The following FARS2 variants were observed in gnomAD, a reference collection of about 807,000 sequenced individuals.
FARS2 encodes the protein phenylalanyl-tRNA synthetase 2, mitochondrial.
FARS2 carries 40 observed loss-of-function variants against 46.4 expected under a neutral mutation model. The observed-to-expected ratio is 0.86, with a 90% CI of 0.67 to 1.12. The LOEUF (loss-of-function observed/expected upper bound fraction) is 1.12, where lower values mean the gene tolerates loss of function less well. Ranked by LOEUF, FARS2 falls within the 50% of genes most tolerant of loss-of-function variation. The pLI, the probability that FARS2 is intolerant of heterozygous loss-of-function variation, is 0.00. For missense variants in FARS2, 513 were observed against 567.9 expected, an observed-to-expected ratio of 0.90 and a Z score of 0.98; for synonymous variants, 234 against 214.9, an observed-to-expected ratio of 1.09 and a Z score of -0.78.
chr6:5,762,334 G>C (rs184108598), intron 6 of FARS2, among the ~76,000 whole-genome samples: 1 of 152,296 alleles, frequency 6.6e-6, no homozygotes, highest in African/African-American at 2.4e-5. Flanking sequence ...TTAAGAACTA[G>C]CCCAAGACTC....
chr6:5,738,483 A>G (rs1761093680), intron 6 of FARS2, among the ~76,000 whole-genome samples: 2 of 151,964 alleles, frequency 1.3e-5, no homozygotes, highest in South Asian at 4.1e-4. Context: ...TCCAAAGATG[A>G]ATGACAGAGA....
chr6:5,712,148 A>G (rs756447141), intron 6 of FARS2, among the ~76,000 whole-genome samples: 1 of 152,220 alleles, frequency 6.6e-6, no homozygotes, highest in African/African-American at 2.4e-5. Context: ...AACAAAATAC[A>G]CAGCACAGCT....
chr6:5,575,962 G>A (rs1041612361), intron 5 of FARS2, among the ~76,000 whole-genome samples: 3 of 152,096 alleles, frequency 2.0e-5, no homozygotes, highest in Non-Finnish European at 4.4e-5. Context: ...CCCCATATTG[G>A]TGGTGAGAGC....
chr6:5,500,376 A>G (rs1472312367), intron 4 of FARS2, among the ~76,000 whole-genome samples: 8 of 152,222 alleles, frequency 5.3e-5, no homozygotes, highest in Admixed American at 3.3e-4. Flanking sequence ...AGCTGCCCAT[A>G]TGGTTCTGTC....
chr6:5,364,141 G>A (rs1235578233), intron 1 of FARS2, among the ~76,000 whole-genome samples: 1 of 151,974 alleles, frequency 6.6e-6, no homozygotes, highest in Non-Finnish European at 1.5e-5. Flanking sequence ...AGAAATCTCT[G>A]GGTCACTTTT....
intron 4 of FARS2, among the ~76,000 whole-genome samples, chr6:5,444,574 T>A (rs1308934184): frequency 1.3e-5 from 2 of 149,858 alleles, no homozygotes; most frequent in African/African-American, 2.5e-5. Flanking sequence ...GACTCTGGAA[T>A]CAGTGGAATG....
chr6:5,686,023 A>G (rs1423438877), intron 6 of FARS2, among the ~76,000 whole-genome samples: 1 of 152,170 alleles, frequency 6.6e-6, no homozygotes, highest in Non-Finnish European at 1.5e-5. Flanking sequence ...ATGATGCCGG[A>G]GCTGAATTTA....
At chr6:5,632,577 C>T (rs1436426887) in intron 6 of FARS2, among the ~76,000 whole-genome samples, 1 of 150,066 alleles carries the variant, frequency 6.7e-6, no homozygotes. Flanking sequence ...TTCCCTTCCT[C>T]CTTCCCCCTT....
At chr6:5,728,726 G>C (rs754375205) in intron 6 of FARS2, among the ~76,000 whole-genome samples, 3 of 152,210 alleles carry the variant, frequency 2.0e-5, no homozygotes, top group African/African-American at 4.8e-5. Flanking sequence ...ACTAGAAGTG[G>C]CAAGTCCAGC....
chr6:5,392,880 T>TATA (rs957081864), intron 2 of FARS2, among the ~76,000 whole-genome samples: 1 of 146,706 alleles, frequency 6.8e-6, no homozygotes, highest in African/African-American at 2.5e-5. Flanking sequence ...TATATATATG[T>TATA]ATATATACAT....
chr6:5,700,846 A>G (rs1758387737), intron 6 of FARS2, among the ~76,000 whole-genome samples: 1 of 152,182 alleles, frequency 6.6e-6, no homozygotes, highest in African/African-American at 2.4e-5. Flanking sequence ...GCTGCACACC[A>G]GCAGTTCAGA....
At chr6:5,761,709 G>C (rs1385073047) in intron 6 of FARS2, among the ~76,000 whole-genome samples, 1 of 150,180 alleles carries the variant, frequency 6.7e-6, no homozygotes, top group African/African-American at 2.5e-5. Context: ...ATTACTTCTT[G>C]TTAGAAATGT....
chr6:5,474,663 G>GTTTTT (rs760857089), intron 4 of FARS2, among the ~76,000 whole-genome samples: 1,765 of 133,868 alleles, frequency 0.013, 77 homozygotes, highest in Non-Finnish European at 0.019. Flanking sequence ...ATACAGTACT[G>GTTTTT]TTTTTTTTTT....
intron 6 of FARS2, among the ~76,000 whole-genome samples, chr6:5,633,025 A>G: frequency 6.6e-6 from 1 of 150,850 alleles, no homozygotes; most frequent in East Asian, 1.9e-4. Flanking sequence ...TGCTTCTTAC[A>G]CACTGAGAGT....
At chr6:5,657,748 A>G (rs1214615103) in intron 6 of FARS2, among the ~76,000 whole-genome samples, 2 of 152,212 alleles carry the variant, frequency 1.3e-5, no homozygotes, top group African/African-American at 2.4e-5. Context: ...TTGATGTTCA[A>G]TTTTATAACT....
At chr6:5,690,930 C>T (rs1037587203) in intron 6 of FARS2, among the ~76,000 whole-genome samples, 5 of 152,170 alleles carry the variant, frequency 3.3e-5, no homozygotes, top group African/African-American at 7.2e-5. Context: ...CTTCTCTTCT[C>T]GCTTCATTTC....
intron 4 of FARS2, among the ~76,000 whole-genome samples, chr6:5,526,312 A>G (rs946344592): frequency 6.6e-6 from 1 of 152,246 alleles, no homozygotes; most frequent in Admixed American, 6.5e-5. Flanking sequence ...TGGTTATGAG[A>G]ATAAATCTTA....
chr6:5,529,139 T>C (rs899771454), intron 4 of FARS2, among the ~76,000 whole-genome samples: 1 of 152,240 alleles, frequency 6.6e-6, no homozygotes, highest in African/African-American at 2.4e-5. Flanking sequence ...AGTTTTCTTA[T>C]CTATAAAATG....
intron 4 of FARS2, among the ~76,000 whole-genome samples, chr6:5,433,746 C>T (rs1028166570): frequency 6.6e-6 from 1 of 152,218 alleles, no homozygotes; most frequent in African/African-American, 2.4e-5. Context: ...TACTAGGCTT[C>T]CTCCCAGGAG....
Sources: allele counts gnomAD v4.1 joint callset (sites outside exome capture counted in the v4.1 genomes callset), GRCh38; gene constraint gnomAD v4.1.1; transcripts MANE v1.5; gene names NCBI Gene and HGNC (gene_info 2026-07-23, HGNC 2026-07-21).